Variants in EXOC4 observed in about 807,000 individuals in gnomAD.
EXOC4 encodes SEC8-like 1.
Under a neutral mutation model 107.2 loss-of-function variants are expected in EXOC4, and 71 were observed. The observed-to-expected ratio is 0.66, with a 90% CI of 0.55 to 0.81. The LOEUF is 0.81. EXOC4 is among the 30% of genes least tolerant of loss of function. The pLI is 0.00. For synonymous variants in EXOC4, 456 were observed against 441.2 expected (o/e 1.03, Z -0.42); for missense variants, 1,108 against 1,189.6 (o/e 0.93, Z 1.01).
At chr7:133,265,012 A>G (rs558397432) in intron 1 of EXOC4, among the ~76,000 whole-genome samples, 36 of 152,324 alleles carry the variant, frequency 2.4e-4, no homozygotes, top group African/African-American at 8.2e-4. Flanking sequence ...CTGAATAGAT[A>G]TAATAACTTA....
chr7:133,520,840 A>G (rs935042834), intron 9 of EXOC4, among the ~76,000 whole-genome samples: 1 of 152,020 alleles, frequency 6.6e-6, no homozygotes, highest in Admixed American at 6.6e-5. Context: ...GCTCAGTAAA[A>G]GAGTGAAGTT....
intron 11 of EXOC4, among the ~76,000 whole-genome samples, chr7:133,855,116 T>TATATATAAATATATATATAA (rs1554409783): frequency 1.3e-5 from 1 of 79,588 alleles, no homozygotes; most frequent in East Asian, 2.9e-4. Flanking sequence ...TATATATAAA[T>TATATATAAATATATATATAA]ATATATATAT....
intron 17 of EXOC4, among the ~76,000 whole-genome samples, chr7:134,009,364 G>A (rs1350766854): frequency 6.6e-6 from 1 of 151,952 alleles, no homozygotes; most frequent in Non-Finnish European, 1.5e-5. Context: ...CTTTGTTTTG[G>A]GTATGAACCA....
At chr7:133,735,219 C>CAAAAAAAAAAAAAAAA (rs56769096) in intron 10 of EXOC4, among the ~76,000 whole-genome samples, 1 of 33,494 alleles carries the variant, frequency 3.0e-5, no homozygotes, top group Non-Finnish European at 4.8e-5. Flanking sequence ...GACTCTGTCT[C>CAAAAAAAAAAAAAAAA]AAAAAAAAAA....
intron 12 of EXOC4, among the ~76,000 whole-genome samples, chr7:133,909,919 A>AT (rs764890539): frequency 0.059 from 4,427 of 75,220 alleles, 133 homozygotes; most frequent in African/African-American, 0.083. Flanking sequence ...GTTGAGACAG[A>AT]TTTTTTTTTT....
At chr7:134,004,694 G>A (rs1794601951) in intron 15 of EXOC4, among the ~76,000 whole-genome samples, 1 of 152,066 alleles carries the variant, frequency 6.6e-6, no homozygotes, top group Non-Finnish European at 1.5e-5. Flanking sequence ...AGAGGGGAGG[G>A]TGTTTACATT....
chr7:133,699,058 G>A (rs761849469), intron 10 of EXOC4, among the ~76,000 whole-genome samples: 1 of 152,144 alleles, frequency 6.6e-6, no homozygotes, highest in Non-Finnish European at 1.5e-5. Context: ...TAGATATGAT[G>A]TAAATATTTG....
intron 17 of EXOC4, among the ~76,000 whole-genome samples, chr7:134,030,903 C>T (rs534340887): frequency 1.1e-4 from 17 of 152,218 alleles, no homozygotes; most frequent in Admixed American, 1.0e-3. Flanking sequence ...AGAAGTTTTG[C>T]ATCTTTCCCT....
At chr7:134,043,218 G>A (rs555771936) in intron 17 of EXOC4, among the ~76,000 whole-genome samples, 40 of 152,238 alleles carry the variant, frequency 2.6e-4, no homozygotes, top group African/African-American at 9.4e-4. Context: ...GCTAGTGCTG[G>A]GGCAAGGACT....
At position 133,667,879 on chromosome 7, in the gene EXOC4, C is replaced by A. The variant is rs142012521; in HGVS notation, c.1514+37738C>A. On this transcript the variant is annotated intron_variant, in intron 10 of 17. Coordinates refer to ENST00000253861, the MANE Select transcript of EXOC4 (RefSeq NM_021807.4). Reference sequence around the variant, plus strand: ...CTCTTACATAAATAGCCTTTACAATCAAATAGACAAAAAATAGACTGTGCA... The same window carrying A: ...CTCTTACATAAATAGCCTTTACAATAAAATAGACAAAAAATAGACTGTGCA... 2.2e-4 allele frequency among the ~76,000 whole-genome samples: 33 copies of A among 152,274 alleles called. No homozygotes were observed. In the East Asian group the frequency reaches 6.0e-3, roughly 28 times the overall value.
intron 13 of EXOC4, among the ~76,000 whole-genome samples, chr7:133,930,964 C>T (rs1395377657): frequency 6.7e-6 from 1 of 148,958 alleles, no homozygotes; most frequent in Admixed American, 6.7e-5. Context: ...ACTTCAGGTT[C>T]TAGTTTACAT....
At chr7:133,369,800 C>T (rs1371129008) in intron 6 of EXOC4, among the ~76,000 whole-genome samples, 3 of 86,664 alleles carry the variant, frequency 3.5e-5, no homozygotes, top group South Asian at 4.5e-4. Context: ...ACTAGATTTC[C>T]TTTTTTTTTT....
At chr7:133,810,871 G>A (rs1385802392) in intron 10 of EXOC4, among the ~76,000 whole-genome samples, 1 of 151,994 alleles carries the variant, frequency 6.6e-6, no homozygotes, top group Non-Finnish European at 1.5e-5. Flanking sequence ...CTGACCTCGT[G>A]ATCTGCCTGC....
intron 9 of EXOC4, among the ~76,000 whole-genome samples, chr7:133,562,587 T>C (rs1443737311): frequency 2.0e-5 from 3 of 152,224 alleles, no homozygotes; most frequent in Non-Finnish European, 2.9e-5. Context: ...AGAGCTGTTT[T>C]CACAAGTGTG....
At position 133,857,569 on chromosome 7, in the gene EXOC4, CAAG is replaced by C. The variant is rs544037166; in HGVS notation, c.1735-38029_1735-38027del. On this transcript the variant is annotated intron_variant, in intron 11 of 17. Coordinates refer to ENST00000253861, the MANE Select transcript of EXOC4 (RefSeq NM_021807.4). ...GACCCAGACCCATGCCCACTGAGGG[CAAG>C]CCAGGCATGGAGCAGCGAGGGGTGT... is the stretch of plus-strand genomic sequence containing the variant. Among the ~76,000 whole-genome samples the C allele has an allele frequency of 1.7e-3, 263 of 150,424 alleles. 4 individuals carry two copies. The highest frequency in any genetic ancestry group is 5.9e-3 in the African/African-American group (241 of 40,938).
chr7:133,964,918 A>G lies in EXOC4; in HGVS notation c.2206+26849A>G, dbSNP rs563607798. On this transcript the variant is annotated intron_variant, in intron 14 of 17. Transcript: ENST00000253861. ...AGGAATCGCCACACTGTCTTCCACAATGGTTGAACTAATTTACACTCCCAC... is the reference window on the plus strand; with the variant it reads ...AGGAATCGCCACACTGTCTTCCACAGTGGTTGAACTAATTTACACTCCCAC... Among the ~76,000 whole-genome samples, 4 of 152,262 alleles carry G rather than the reference A, an allele frequency of 2.6e-5. No individual in the cohort carries two copies. In the South Asian group the frequency reaches 8.3e-4, roughly 32 times the overall value.
At chr7:133,854,408 GCACACACACACA>G (rs56849407) in intron 11 of EXOC4, among the ~76,000 whole-genome samples, 21 of 139,570 alleles carry the variant, frequency 1.5e-4, no homozygotes, top group East Asian at 4.4e-4. Flanking sequence ...TGTTGAAAGA[GCACACACACACA>G]CACACACACA....
intron 11 of EXOC4, among the ~76,000 whole-genome samples, chr7:133,823,890 ATATTT>A (rs1332281311): frequency 4.6e-5 from 1 of 21,738 alleles, no homozygotes; most frequent in Non-Finnish European, 6.9e-5. Flanking sequence ...ATATATATAT[ATATTT>A]TATATATATA....
At chr7:133,446,137 C>CT (rs1229793116) in intron 7 of EXOC4, among the ~76,000 whole-genome samples, 42 of 151,900 alleles carry the variant, frequency 2.8e-4, no homozygotes, top group Admixed American at 2.7e-3. Flanking sequence ...GACTGTTTCT[C>CT]TTTCTGGTTG....
Sources: gnomAD v4.1 joint callset for allele counts (sites outside exome capture counted in the v4.1 genomes callset) on GRCh38, gnomAD v4.1.1 for gene constraint, MANE v1.5 for transcripts, NCBI Gene and HGNC (gene_info 2026-07-23, HGNC 2026-07-21) for gene names.